SNX11: variants seen among roughly 807,000 people sequenced by gnomAD.
The protein encoded by SNX11 is sorting nexin-11.
In SNX11, 19 loss-of-function variants were observed where a neutral mutation model predicts 30.7. The ratio of observed to expected loss-of-function variants is 0.62; its 90% confidence interval spans 0.43 to 0.91. The LOEUF is 0.91. Ranked by LOEUF, SNX11 falls within the 40% of genes least tolerant of loss-of-function variation. The probability of loss-of-function intolerance (pLI) is 0.00; values close to 1 mark genes in which losing one functional copy is unlikely to be tolerated. For synonymous variants in SNX11, 112 were observed against 119.0 expected (o/e 0.94, Z 0.38); for missense variants, 302 against 326.7 (o/e 0.92, Z 0.58).
At chr17:48,118,406 C>T (rs1159631691) in intron 4 of SNX11, among the ~76,000 whole-genome samples, 4 of 151,850 alleles carry the variant, frequency 2.6e-5, no homozygotes, top group Non-Finnish European at 4.4e-5. Flanking sequence ...GGTGAAACCC[C>T]GTCTCTATTA....
intron 1 of SNX11, chr17:48,111,141 T>G: frequency 1.0e-6 from 1 of 985,244 alleles, no homozygotes. Flanking sequence ...ATTAGAACAA[T>G]TGGCTCGGGT....
chr17:48,113,409 T>A lies in SNX11; in HGVS notation c.230+8T>A. On this transcript the variant is annotated splice_region_variant and intron_variant, in intron 4 of 6. Transcript: ENST00000359238. ...GAGAAATGCTGGTTTGGTGTGAGTT[T>A]GCTCTTGCTTCCTTCTTGGGTCTGT... 6.2e-7 allele frequency: 1 copy of A among 1,607,366 alleles called. No homozygotes were observed. Among genetic ancestry groups the A allele is most frequent in the Non-Finnish European group, 8.5e-7 (1 of 1,174,060 alleles).
At chr17:48,120,895 GC>G (rs1464910476) in intron 6 of SNX11, among the ~76,000 whole-genome samples, 4 of 112,870 alleles carry the variant, frequency 3.5e-5, no homozygotes, top group Middle Eastern at 4.1e-3. Context: ...AATTCACCAT[GC>G]CCAGCCATTT....
Position 48,123,278 on chromosome 17 carries a change from C to T in SNX11, c.*1770C>T, listed in dbSNP as rs2063616272. Among the ~76,000 whole-genome samples, 1 of 152,156 alleles carries T rather than the reference C, an allele frequency of 6.6e-6. No individual in the cohort carries two copies. Among genetic ancestry groups the T allele is most frequent in the African/African-American group, 2.4e-5 (1 of 41,436 alleles). On this transcript the variant is annotated 3_prime_UTR_variant, in exon 7 of 7. Transcript: ENST00000359238. Reference sequence around the variant, plus strand: ...GCTAAGCTAATGGCATCCGCTCTGCCGATTGGTGGGGATGGCTCATGAATA... The same window carrying T: ...GCTAAGCTAATGGCATCCGCTCTGCTGATTGGTGGGGATGGCTCATGAATA...
chr17:48,112,339 G>A (rs1254143527), intron 2 of SNX11: 5 of 627,312 alleles, frequency 8.0e-6, no homozygotes, highest in Non-Finnish European at 1.1e-5. Flanking sequence ...AGGCACTTAC[G>A]TCTCTTGTTC....
chr17:48,121,219 T>G lies in SNX11; in HGVS notation c.540-16T>G. Reference sequence around the variant, plus strand: ...GCTGTTCATACCTTTCTTTTCCCTTTCCCACTCTTTTCCAGTTGCTGCTTT... The same window carrying G: ...GCTGTTCATACCTTTCTTTTCCCTTGCCCACTCTTTTCCAGTTGCTGCTTT... On this transcript the variant is annotated splice_polypyrimidine_tract_variant and intron_variant, in intron 6 of 6. Transcript: ENST00000359238. 1 of 1,613,618 alleles carries G rather than the reference T, an allele frequency of 6.2e-7. No individual in the cohort carries two copies. Among genetic ancestry groups the G allele is most frequent in the African/African-American group, 1.3e-5 (1 of 74,968 alleles).
At chr17:48,117,973 T>G (rs8071199) in intron 4 of SNX11, among the ~76,000 whole-genome samples, 1 of 152,116 alleles carries the variant, frequency 6.6e-6, no homozygotes, top group Non-Finnish European at 1.5e-5. Context: ...TATGCTCACG[T>G]TTATGCTACT....
chr17:48,118,560 A>G, intron 4 of SNX11, 144 bp from the exon 5 acceptor site: 1 of 586,978 alleles, frequency 1.7e-6, no homozygotes, highest in African/African-American at 1.9e-5. Context: ...CCTGGGCGAC[A>G]GAGCGAGACT....
chr17:48,112,143 GAAAGAGGACA>G, intron 2 of SNX11, 58 bp downstream of exon 2: 1 of 1,437,504 alleles, frequency 7.0e-7, no homozygotes, highest in Non-Finnish European at 9.8e-7. Context: ...GATTTAGGAG[GAAAGAGGACA>G]TAGAGATGCA....
At chr17:48,119,420 G>T (rs1356041738) in intron 6 of SNX11, among the ~76,000 whole-genome samples, 1 of 151,992 alleles carries the variant, frequency 6.6e-6, no homozygotes, top group Non-Finnish European at 1.5e-5. Flanking sequence ...TCATTTATTC[G>T]GTTTTTTATT....
intron 1 of SNX11, chr17:48,111,016 G>T (rs1052790782): frequency 1.1e-6 from 1 of 877,534 alleles, no homozygotes; most frequent in African/African-American, 1.8e-5. Context: ...AAAATCAGGG[G>T]CTGAGGCTTT....
Position 48,115,658 on chromosome 17 carries a change from G to T in SNX11, c.230+2257G>T, listed in dbSNP as rs1228292151. Among the ~76,000 whole-genome samples, 8 of 151,992 alleles carry T rather than the reference G, an allele frequency of 5.3e-5. No individual in the cohort carries two copies. The East Asian group carries it at 1.6e-3, about 29-fold the overall frequency. Reference sequence around the variant, plus strand: ...GAGGTCCTTTTCCAGAGACATATGAGAGCCTAGGGAAGGCAGTTATTATTT... The same window carrying T: ...GAGGTCCTTTTCCAGAGACATATGATAGCCTAGGGAAGGCAGTTATTATTT... On this transcript the variant is annotated intron_variant, in intron 4 of 6. Coordinates refer to ENST00000359238, the MANE Select transcript of SNX11 (RefSeq NM_013323.3).
At chr17:48,120,692 A>C (rs2063590840) in intron 6 of SNX11, among the ~76,000 whole-genome samples, 1 of 150,660 alleles carries the variant, frequency 6.6e-6, no homozygotes, top group South Asian at 2.1e-4. Flanking sequence ...TTGTATTTTT[A>C]GTAGAGACGG....
intron 3 of SNX11, 84 bp downstream of exon 3, chr17:48,112,744 T>TTTC (rs1555583289): frequency 1.0e-4 from 80 of 794,888 alleles, no homozygotes; most frequent in Non-Finnish European, 1.2e-4. Context: ...TTTTTTTTTT[T>TTTC]TTTGAGATGG....
intron 4 of SNX11, among the ~76,000 whole-genome samples, chr17:48,117,933 T>A (rs1041381973): frequency 6.6e-6 from 1 of 152,136 alleles, no homozygotes; most frequent in Non-Finnish European, 1.5e-5. Flanking sequence ...GAGGATTACT[T>A]CATCCCAGGA....
intron 2 of SNX11, chr17:48,112,337 AC>A (rs2144507577): frequency 9.6e-6 from 6 of 626,824 alleles, no homozygotes; most frequent in South Asian, 1.9e-5. Flanking sequence ...GCAGGCACTT[AC>A]GTCTCTTGTT....
At chr17:48,112,359 C>T in intron 2 of SNX11, 2 of 636,668 alleles carry the variant, frequency 3.1e-6, no homozygotes, top group African/African-American at 1.8e-5. Flanking sequence ...CATGCTTTAT[C>T]CCCAGTGCCT....
At chr17:48,113,947 CA>C (rs1400689940) in intron 4 of SNX11, among the ~76,000 whole-genome samples, 1 of 151,776 alleles carries the variant, frequency 6.6e-6, no homozygotes, top group Non-Finnish European at 1.5e-5. Flanking sequence ...CTCCACCTCC[CA>C]GGTTGAAGCA....
At chr17:48,119,468 T>C (rs552168701) in intron 6 of SNX11, among the ~76,000 whole-genome samples, 2 of 152,280 alleles carry the variant, frequency 1.3e-5, no homozygotes, top group South Asian at 4.1e-4. Flanking sequence ...TTTTTTTGTG[T>C]GGAGACGGAC....
Sources: gnomAD v4.1 joint callset for allele counts (sites outside exome capture counted in the v4.1 genomes callset) on GRCh38, gnomAD v4.1.1 for gene constraint, MANE v1.5 for transcripts, NCBI Gene and HGNC (gene_info 2026-07-23, HGNC 2026-07-21) for gene names.